TVP23C: variants seen among roughly 807,000 people sequenced by gnomAD.
The protein encoded by TVP23C is Golgi apparatus membrane protein TVP23 homolog C.
TVP23C carries 19 observed loss-of-function variants against 28.7 expected under a neutral mutation model. The observed-to-expected ratio is 0.66, with a 90% CI of 0.46 to 0.97. TVP23C has a LOEUF of 0.97. Ranked by LOEUF, TVP23C falls within the 50% of genes least tolerant of loss-of-function variation. The pLI, the probability that TVP23C is intolerant of heterozygous loss-of-function variation, is 0.00. For missense variants in TVP23C, 186 were observed against 241.3 expected (o/e 0.77, Z 1.52); for synonymous variants, 68 against 81.7 (o/e 0.83, Z 0.90).
downstream of TVP23C, among the ~76,000 whole-genome samples, chr17:15,532,397 G>C (rs1357526408): frequency 1.3e-5 from 2 of 152,140 alleles, no homozygotes; most frequent in South Asian, 4.1e-4. Flanking sequence ...GGGGCGTCTT[G>C]GATAACTCCA....
At chr17:15,523,045 T>C (rs1304797974) in intron 5 of TVP23C, among the ~76,000 whole-genome samples, 2 of 152,174 alleles carry the variant, frequency 1.3e-5, no homozygotes, top group Admixed American at 1.3e-4. Context: ...AGTCTCGCTC[T>C]GTCGCCCAGG....
intron 5 of TVP23C, among the ~76,000 whole-genome samples, chr17:15,514,185 C>G (rs556919182): frequency 6.6e-6 from 1 of 152,342 alleles, no homozygotes; most frequent in South Asian, 2.1e-4. Flanking sequence ...TAAGAATCTT[C>G]TTTCGAGTTG....
exon 6 of TVP23C, chr17:15,502,749 C>T (rs1981512473): frequency 5.9e-6 from 6 of 1,020,648 alleles, no homozygotes; most frequent in Admixed American, 4.1e-5. Flanking sequence ...TCCTCTCTCC[C>T]GTCTCTTTCT....
At chr17:15,552,899 ATT>A (rs1355372096) in intron 3 of TVP23C, among the ~76,000 whole-genome samples, 2 of 150,382 alleles carry the variant, frequency 1.3e-5, no homozygotes, top group African/African-American at 4.9e-5. Flanking sequence ...CATATTTAAT[ATT>A]TTATTATGCT....
intron 2 of TVP23C, 58 bp downstream of exon 2, chr17:15,555,224 G>A (rs1441563182): frequency 3.1e-6 from 5 of 1,610,892 alleles, no homozygotes; most frequent in Non-Finnish European, 4.2e-6. Flanking sequence ...AGCTAGCACT[G>A]ACATACATAC....
chr17:15,519,280 GAA>G (rs1335924983), intron 5 of TVP23C, among the ~76,000 whole-genome samples: 3 of 152,062 alleles, frequency 2.0e-5, no homozygotes, highest in African/African-American at 4.8e-5. Context: ...CTGCCTTCAA[GAA>G]AAGACACACA....
intron 2 of TVP23C, among the ~76,000 whole-genome samples, chr17:15,554,981 T>C (rs1475235202): frequency 6.6e-6 from 1 of 152,244 alleles, no homozygotes; most frequent in Non-Finnish European, 1.5e-5. Flanking sequence ...TAAATCAAAA[T>C]GTAAAGTATC....
intron 5 of TVP23C, among the ~76,000 whole-genome samples, chr17:15,519,042 T>G (rs1303515988): frequency 6.6e-6 from 1 of 152,128 alleles, no homozygotes; most frequent in Non-Finnish European, 1.5e-5. Context: ...AAATGTGCCT[T>G]GCTTTCCCTT....
chr17:15,561,541 G>A (rs1213327801), intron 1 of TVP23C, among the ~76,000 whole-genome samples: 1 of 151,600 alleles, frequency 6.6e-6, no homozygotes, highest in Non-Finnish European at 1.5e-5. Context: ...GGAGGTTGCA[G>A]TGAGCCGAGA....
chr17:15,536,673 TA>T (rs561505895), downstream of TVP23C, among the ~76,000 whole-genome samples: 1,273 of 151,558 alleles, frequency 8.4e-3, 8 homozygotes, highest in Non-Finnish European at 0.012. Context: ...CTCTCAACCC[TA>T]AAGATTTAGG....
chr17:15,522,282 A>G (rs1402022925), intron 5 of TVP23C, among the ~76,000 whole-genome samples: 1 of 152,248 alleles, frequency 6.6e-6, no homozygotes, highest in African/African-American at 2.4e-5. Context: ...AACATAAAAC[A>G]GAAACTATAA....
chr17:15,538,706 A>G lies in TVP23C; in HGVS notation c.*1706T>C. 1 of 985,450 alleles carries G rather than the reference A, an allele frequency of 1.0e-6. No homozygotes were observed. Among genetic ancestry groups the G allele is most frequent in the Non-Finnish European group, 1.2e-6 (1 of 829,930 alleles). The allele number at this position is 985,450 out of a possible 1,614,324, so 61.0% of individuals were successfully genotyped here. A position where few individuals can be genotyped will look rare whatever the true frequency, so the allele number is the denominator to read the frequency against. On this transcript the variant is annotated 3_prime_UTR_variant, in exon 6 of 6. Coordinates refer to ENST00000518321, the MANE Select transcript of TVP23C (RefSeq NM_001135036.2). ...TTGAGCAGACGCCGGATACCATGTA[A>G]GACACTAACCCTATCCATGTTATGC...
intron 5 of TVP23C, among the ~76,000 whole-genome samples, chr17:15,505,619 A>C (rs1287435344): frequency 1.3e-5 from 2 of 152,110 alleles, no homozygotes; most frequent in Non-Finnish European, 2.9e-5. Flanking sequence ...CCTTCAGCCC[A>C]CCACTGCACT....
At chr17:15,502,739 TC>T in exon 6 of TVP23C, 1 of 993,028 alleles carries the variant, frequency 1.0e-6, no homozygotes, top group Non-Finnish European at 1.3e-6. Flanking sequence ...TCTTTCTCTC[TC>T]CTCTCTCCCG....
Position 15,538,536 on chromosome 17 carries a change from G to T in TVP23C, c.*1876C>A. 1.1e-6 allele frequency: 1 copy of T among 888,208 alleles called. No homozygotes were observed. Among genetic ancestry groups the T allele is most frequent in the Middle Eastern group, 5.8e-4 (1 of 1,720 alleles). The allele number at this position is 888,208 out of a possible 1,614,324, so 55.0% of individuals were successfully genotyped here. ...ACCCGGGAGGTGGAGTTTGCAGTGA[G>T]CCGAGATCGCGCCACTGCACTCCAG... On this transcript the variant is annotated 3_prime_UTR_variant, in exon 6 of 6. Transcript: ENST00000518321.
At chr17:15,555,176 C>T in intron 2 of TVP23C, 106 bp downstream of exon 2, 1 of 1,458,390 alleles carries the variant, frequency 6.9e-7, no homozygotes, top group Admixed American at 2.0e-5. Context: ...ATGCAGTATT[C>T]ACAAGCACAT....
intron 5 of TVP23C, among the ~76,000 whole-genome samples, chr17:15,511,987 C>T (rs1982024411): frequency 6.6e-6 from 1 of 152,172 alleles, no homozygotes; most frequent in Admixed American, 6.5e-5. Context: ...CAAAAATCAC[C>T]TGGACAACTT....
At chr17:15,550,041 T>G (rs1161019729) in intron 3 of TVP23C, among the ~76,000 whole-genome samples, 2 of 152,198 alleles carry the variant, frequency 1.3e-5, no homozygotes, top group Non-Finnish European at 2.9e-5. Flanking sequence ...ACTCTTTATT[T>G]CCTGCTTTTA....
downstream of TVP23C, among the ~76,000 whole-genome samples, chr17:15,534,347 T>C (rs1355319180): frequency 6.6e-6 from 1 of 152,248 alleles, no homozygotes; most frequent in Non-Finnish European, 1.5e-5. Context: ...ATGGAACGTT[T>C]AGTGAGCATT....
Sources: gnomAD v4.1 joint callset for allele counts (sites outside exome capture counted in the v4.1 genomes callset) on GRCh38, gnomAD v4.1.1 for gene constraint, MANE v1.5 for transcripts, NCBI Gene and HGNC (gene_info 2026-07-23, HGNC 2026-07-21) for gene names.